Variants in PIK3C3 observed in about 807,000 individuals in gnomAD.
The protein encoded by PIK3C3 is PI3-kinase type 3.
Under a neutral mutation model 126.1 loss-of-function variants are expected in PIK3C3, and 95 were observed. The ratio of observed to expected loss-of-function variants is 0.75; its 90% CI spans 0.64 to 0.89. The LOEUF (loss-of-function observed/expected upper bound fraction) is 0.89. PIK3C3 is among the 40% of genes least tolerant of loss of function. PIK3C3 has a pLI of 0.00. For missense variants in PIK3C3, 829 were observed against 1,063.2 expected (o/e 0.78, Z 3.06); for synonymous variants, 374 against 360.0 (o/e 1.04, Z -0.44).
In PIK3C3 at chr18:42,079,906, T is replaced by C. The variant is rs143153697; in HGVS notation, c.2650-1217T>C. Among the ~76,000 whole-genome samples, 49 of 152,080 alleles carry C rather than the reference T, an allele frequency of 3.2e-4. No individual in the cohort carries two copies. In the East Asian group the frequency reaches 8.9e-3, roughly 28 times the overall value. ...ACCTCCAGGCAACACACCTCTTCTCTTTGCATGGAATGAGTTCCCTCTTAT... is the reference window on the plus strand; with the variant it reads ...ACCTCCAGGCAACACACCTCTTCTCCTTGCATGGAATGAGTTCCCTCTTAT... On this transcript the variant is annotated intron_variant, in intron 24 of 24. Coordinates refer to ENST00000262039, the MANE Select transcript of PIK3C3 (RefSeq NM_002647.4).
At chr18:41,984,653 T>C (rs566721260) in intron 4 of PIK3C3, among the ~76,000 whole-genome samples, 5 of 152,252 alleles carry the variant, frequency 3.3e-5, no homozygotes, top group African/African-American at 1.2e-4. Context: ...TCTAGACTTT[T>C]TCTGCTGCCT....
chr18:42,037,749 G>C lies in PIK3C3; in HGVS notation c.1897G>C (p.Val633Leu). 1 of 1,610,730 alleles carries C rather than the reference G, an allele frequency of 6.2e-7. No individual in the cohort carries two copies. The highest frequency in any genetic ancestry group is 8.5e-7 in the Non-Finnish European group (1 of 1,177,216). Residue 633 changes from valine (V) to leucine (L), a missense_variant, in exon 17 of 25, where the codon GTT becomes CTT. Transcript: ENST00000262039. ...FKTEDGGKYP[V>L]IFKHGDDLRQ... is the part of the protein sequence containing the mutation. ...GACGGAAGATGGAGGCAAATATCCAGTTATATTTAAGCATGGAGATGATTT... is the reference window on the plus strand; with the variant it reads ...GACGGAAGATGGAGGCAAATATCCACTTATATTTAAGCATGGAGATGATTT...
At chr18:42,022,303 T>C (rs990385565) in intron 13 of PIK3C3, among the ~76,000 whole-genome samples, 13 of 151,864 alleles carry the variant, frequency 8.6e-5, no homozygotes, top group African/African-American at 2.9e-4. Context: ...CCCAACCCCA[T>C]GACATCAGTG....
At chr18:41,960,571 G>A (rs1415687665) in intron 2 of PIK3C3, among the ~76,000 whole-genome samples, 1 of 152,076 alleles carries the variant, frequency 6.6e-6, no homozygotes, top group Non-Finnish European at 1.5e-5. Context: ...CCAAGTGAAT[G>A]TAATCTTAAG....
chr18:42,057,819 C>A, intron 21 of PIK3C3, 64 bp from the exon 22 acceptor site: 1 of 1,386,462 alleles, frequency 7.2e-7, no homozygotes, highest in Non-Finnish European at 1.0e-6. Context: ...AATTGTGTGA[C>A]ATATCACCTA....
chr18:41,963,388 T>C (rs1980195053), intron 3 of PIK3C3, among the ~76,000 whole-genome samples: 1 of 152,206 alleles, frequency 6.6e-6, no homozygotes, highest in Non-Finnish European at 1.5e-5. Flanking sequence ...GTTTTTTATG[T>C]GTTTTAGTCC....
chr18:42,071,589 G>A (rs1273688254), intron 24 of PIK3C3, among the ~76,000 whole-genome samples: 4 of 151,756 alleles, frequency 2.6e-5, no homozygotes, highest in East Asian at 1.9e-4. Flanking sequence ...ACGTGGTGGC[G>A]GGCACCTGTA....
intron 22 of PIK3C3, among the ~76,000 whole-genome samples, chr18:42,058,787 C>T (rs1306670576): frequency 1.3e-5 from 2 of 152,174 alleles, no homozygotes; most frequent in African/African-American, 2.4e-5. Context: ...GGACATGGCT[C>T]TGATGATTAT....
chr18:41,965,193 A>T (rs1008748548), intron 3 of PIK3C3, among the ~76,000 whole-genome samples: 2 of 152,224 alleles, frequency 1.3e-5, no homozygotes, highest in Non-Finnish European at 2.9e-5. Context: ...ATAACCAGAC[A>T]TTCCTCTTGG....
intron 22 of PIK3C3, among the ~76,000 whole-genome samples, chr18:42,064,525 G>A (rs1461664617): frequency 6.6e-6 from 1 of 152,096 alleles, no homozygotes; most frequent in Non-Finnish European, 1.5e-5. Context: ...TCTGTCCCAT[G>A]GTGTAGGATT....
At chr18:42,076,441 C>T (rs1458291889) in intron 24 of PIK3C3, among the ~76,000 whole-genome samples, 2 of 151,928 alleles carry the variant, frequency 1.3e-5, no homozygotes, top group East Asian at 1.9e-4. Context: ...ATAAAGGAGT[C>T]GCCAGGAGCT....
chr18:41,989,512 T>A (rs1981668412), intron 5 of PIK3C3, among the ~76,000 whole-genome samples: 1 of 152,202 alleles, frequency 6.6e-6, no homozygotes. Flanking sequence ...GCAGATCACA[T>A]GTACAATGAT....
chr18:41,982,082 C>T (rs1298023134), intron 4 of PIK3C3, among the ~76,000 whole-genome samples: 3 of 151,902 alleles, frequency 2.0e-5, no homozygotes, highest in Non-Finnish European at 4.4e-5. Flanking sequence ...TCTAGTGCAC[C>T]ATGCAACTAT....
At chr18:42,062,433 A>G (rs969813337) in intron 22 of PIK3C3, among the ~76,000 whole-genome samples, 5 of 151,084 alleles carry the variant, frequency 3.3e-5, no homozygotes, top group Admixed American at 6.6e-5. Flanking sequence ...TTAAAACATT[A>G]TGAGATTTTT....
intron 24 of PIK3C3, among the ~76,000 whole-genome samples, chr18:42,076,798 C>G (rs1452779456): frequency 6.6e-6 from 1 of 152,152 alleles, no homozygotes; most frequent in African/African-American, 2.4e-5. Flanking sequence ...TGAATGTCAT[C>G]CTTGATAGGG....
intron 3 of PIK3C3, among the ~76,000 whole-genome samples, chr18:41,966,177 C>CCTTT (rs1555671402): frequency 2.7e-5 from 3 of 112,574 alleles, no homozygotes; most frequent in African/African-American, 1.1e-4. Context: ...TATATTGTTC[C>CCTTT]TTTTTTTTTT....
At chr18:41,963,427 A>G (rs529475801) in intron 3 of PIK3C3, among the ~76,000 whole-genome samples, 23 of 152,296 alleles carry the variant, frequency 1.5e-4, no homozygotes, top group South Asian at 1.4e-3. Context: ...TATAATGCTC[A>G]AAAAATCTCA....
chr18:42,004,649 A>C (rs974540236), intron 10 of PIK3C3, 108 bp downstream of exon 10: 1 of 834,664 alleles, frequency 1.2e-6, no homozygotes, highest in Admixed American at 3.4e-5. Context: ...GTGTGTGCAC[A>C]TGCAAGAGAG....
intron 16 of PIK3C3, among the ~76,000 whole-genome samples, chr18:42,036,160 T>C (rs1353295115): frequency 6.6e-6 from 1 of 152,214 alleles, no homozygotes; most frequent in Non-Finnish European, 1.5e-5. Context: ...ATTCAGAATT[T>C]TATTCCAACT....
Sources: gnomAD v4.1 joint callset for allele counts (sites outside exome capture counted in the v4.1 genomes callset) on GRCh38, gnomAD v4.1.1 for gene constraint, MANE v1.5 for transcripts, NCBI Gene and HGNC (gene_info 2026-07-23, HGNC 2026-07-21) for gene names.